Variants in RANBP17 observed in about 807,000 individuals in gnomAD.
The protein encoded by RANBP17 is ran-binding protein 17.
Under a neutral mutation model 141.2 loss-of-function variants are expected in RANBP17, and 158 were observed. That is an observed-to-expected ratio of 1.12 (90% CI 0.98 to 1.28). The LOEUF (loss-of-function observed/expected upper bound fraction) is 1.28. Ranked by LOEUF, RANBP17 falls within the 50% of genes most tolerant of loss-of-function variation. The probability of loss-of-function intolerance (pLI) is 0.00; values close to 1 mark genes in which losing one functional copy is unlikely to be tolerated. For synonymous variants in RANBP17, 430 were observed against 450.0 expected, an observed-to-expected ratio of 0.96 and a Z score of 0.56; for missense variants, 1,438 against 1,290.7, an observed-to-expected ratio of 1.11 and a Z score of -1.75.
intron 14 of RANBP17, among the ~76,000 whole-genome samples, chr5:171,031,212 T>G (rs1209830285): frequency 6.6e-6 from 1 of 152,012 alleles, no homozygotes; most frequent in Non-Finnish European, 1.5e-5. Flanking sequence ...GCATTTTCAT[T>G]CTATACCAGT....
At chr5:171,153,882 C>G (rs560634125) in intron 14 of RANBP17, among the ~76,000 whole-genome samples, 32 of 151,988 alleles carry the variant, frequency 2.1e-4, no homozygotes, top group African/African-American at 7.5e-4. Context: ...ACAAAATTAG[C>G]CAGGCATGGT....
intron 14 of RANBP17, among the ~76,000 whole-genome samples, chr5:170,974,033 C>A (rs924210207): frequency 6.6e-6 from 1 of 152,168 alleles, no homozygotes; most frequent in Non-Finnish European, 1.5e-5. Flanking sequence ...CACATTTGCC[C>A]CACAAAGTGC....
intron 20 of RANBP17, among the ~76,000 whole-genome samples, chr5:171,210,879 C>T (rs1581032192): frequency 6.6e-6 from 1 of 151,814 alleles, no homozygotes. Context: ...GTGGTGCTCA[C>T]CTGTAGTCTC....
At chr5:171,097,690 G>A (rs1189566518) in intron 14 of RANBP17, among the ~76,000 whole-genome samples, 3 of 150,018 alleles carry the variant, frequency 2.0e-5, no homozygotes, top group Non-Finnish European at 3.0e-5. Flanking sequence ...AGAACATGTA[G>A]GTTTATTACA....
intron 2 of RANBP17, among the ~76,000 whole-genome samples, chr5:170,879,958 A>G (rs1003349340): frequency 5.3e-5 from 8 of 152,208 alleles, no homozygotes; most frequent in Non-Finnish European, 1.0e-4. Flanking sequence ...ACCACACAGT[A>G]TCTGCTGATG....
intron 5 of RANBP17, among the ~76,000 whole-genome samples, chr5:170,906,529 A>G (rs1468228308): frequency 2.0e-5 from 3 of 151,556 alleles, no homozygotes; most frequent in African/African-American, 7.3e-5. Context: ...ATTAAGATGG[A>G]CTCCTCTGGG....
At chr5:171,138,742 T>A (rs927623745) in intron 14 of RANBP17, among the ~76,000 whole-genome samples, 7 of 152,188 alleles carry the variant, frequency 4.6e-5, no homozygotes, top group Non-Finnish European at 7.3e-5. Context: ...TATATAGGAA[T>A]TCTTTGTACT....
intron 21 of RANBP17, among the ~76,000 whole-genome samples, chr5:171,220,955 A>G (rs1415604671): frequency 6.6e-6 from 1 of 152,198 alleles, no homozygotes; most frequent in Non-Finnish European, 1.5e-5. Flanking sequence ...AGCATTTTTA[A>G]AAAGCATGGA....
intron 20 of RANBP17, among the ~76,000 whole-genome samples, chr5:171,210,511 G>A (rs184436275): frequency 1.3e-5 from 2 of 152,186 alleles, no homozygotes; most frequent in East Asian, 3.9e-4. Context: ...GATATTCTTA[G>A]GTTCTGAGAT....
intron 14 of RANBP17, among the ~76,000 whole-genome samples, chr5:171,015,316 A>G (rs922190151): frequency 6.6e-6 from 1 of 152,104 alleles, no homozygotes; most frequent in Non-Finnish European, 1.5e-5. Context: ...ATGTTGCCCA[A>G]CAGCTTGCTG....
At chr5:171,100,230 G>A (rs1787048924) in intron 14 of RANBP17, among the ~76,000 whole-genome samples, 1 of 152,080 alleles carries the variant, frequency 6.6e-6, no homozygotes, top group African/African-American at 2.4e-5. Flanking sequence ...AATTTGTCTG[G>A]TCCTGGGCTT....
intron 11 of RANBP17, among the ~76,000 whole-genome samples, chr5:170,923,676 A>G (rs1325860040): frequency 2.0e-5 from 3 of 152,190 alleles, no homozygotes; most frequent in African/African-American, 7.2e-5. Flanking sequence ...TCTTTAATCA[A>G]ACATTTTATG....
intron 14 of RANBP17, among the ~76,000 whole-genome samples, chr5:171,100,219 G>C (rs969360410): frequency 1.1e-4 from 17 of 152,142 alleles, no homozygotes; most frequent in Non-Finnish European, 2.5e-4. Flanking sequence ...ATTTGGCTGT[G>C]AATTTGTCTG....
Position 170,978,512 on chromosome 5 carries a change from C to T in RANBP17, c.1710+10135C>T, listed in dbSNP as rs185583316. The stretch of plus-strand genomic sequence containing the variant: ...ACTCATACACTGTAATACTATACAA[C>T]GATTTAAAAAAAGAAAAACTACATG... On this transcript the variant is annotated intron_variant, in intron 14 of 27. Coordinates refer to ENST00000523189, the MANE Select transcript of RANBP17 (RefSeq NM_022897.5). 3.8e-3 allele frequency among the ~76,000 whole-genome samples: 578 copies of T among 151,684 alleles called. 6 individuals are homozygous for T. The highest frequency in any genetic ancestry group is 0.013 in the African/African-American group (546 of 41,348).
chr5:171,174,751 AGTGTGTGTGTGTGTGT>A lies in RANBP17; in HGVS notation c.1865+3492_1865+3507del, dbSNP rs57948503. 9.1e-4 allele frequency among the ~76,000 whole-genome samples: 123 copies of A among 135,622 alleles called. 2 individuals carry two copies. Among genetic ancestry groups the A allele is most frequent in the Non-Finnish European group, 2.7e-4 (17 of 63,858 alleles). The allele number at this position is 135,622 out of a possible 152,430, so 89.0% of individuals were successfully genotyped here. On this transcript the variant is annotated intron_variant, in intron 16 of 27. Transcript: ENST00000523189. ...ACATGAGAAAACTAAAAATATCTAG[AGTGTGTGTGTGTGTGT>A]GTGTGTGTGTGTGTGTGTGTGTGTG...
chr5:170,885,904 C>G (rs1306443818), intron 3 of RANBP17, among the ~76,000 whole-genome samples: 1 of 145,728 alleles, frequency 6.9e-6, no homozygotes, highest in Non-Finnish European at 1.5e-5. Context: ...CAGTCTCTTT[C>G]ATGATTTCCT....
At chr5:171,092,521 C>T (rs1203970843) in intron 14 of RANBP17, among the ~76,000 whole-genome samples, 2 of 152,146 alleles carry the variant, frequency 1.3e-5, no homozygotes, top group African/African-American at 4.8e-5. Flanking sequence ...AGGACAAACC[C>T]GGTATAAGAC....
intron 21 of RANBP17, 57 bp downstream of exon 21, chr5:171,213,795 C>G (rs1763056083): frequency 1.6e-6 from 2 of 1,266,014 alleles, no homozygotes. Context: ...AAATCTCCAA[C>G]AGTCAGACTT....
At chr5:171,258,092 G>A (rs1766025220) in intron 24 of RANBP17, among the ~76,000 whole-genome samples, 1 of 143,806 alleles carries the variant, frequency 7.0e-6, no homozygotes. Flanking sequence ...GGCAACAAGA[G>A]CAAAACTCCA....
Sources: gnomAD v4.1 joint callset for allele counts (sites outside exome capture counted in the v4.1 genomes callset) on GRCh38, gnomAD v4.1.1 for gene constraint, MANE v1.5 for transcripts, NCBI Gene and HGNC (gene_info 2026-07-23, HGNC 2026-07-21) for gene names.